The following PLEKHA5 variants were observed in gnomAD, a reference collection of about 807,000 sequenced individuals.
PLEKHA5 encodes pleckstrin homology domain containing A5.
In PLEKHA5, 55 loss-of-function variants were observed where a neutral mutation model predicts 181.9. That is an observed-to-expected ratio of 0.30 (90% CI 0.24 to 0.38). The LOEUF (loss-of-function observed/expected upper bound fraction) is 0.38. PLEKHA5 is among the 10% of genes least tolerant of loss of function. The pLI, the probability that PLEKHA5 is intolerant of heterozygous loss-of-function variation, is 1.00. For synonymous variants in PLEKHA5, 535 were observed against 529.4 expected, an observed-to-expected ratio of 1.01 and a Z score of -0.15; for missense variants, 1,432 against 1,549.5, an observed-to-expected ratio of 0.92 and a Z score of 1.27.
chr12:19,354,026 C>G, intron 26 of PLEKHA5, 24 bp downstream of exon 26: 1 of 1,124,556 alleles, frequency 8.9e-7, no homozygotes, highest in Non-Finnish European at 1.3e-6. Flanking sequence ...AATTAATCTT[C>G]TAGGAAGATT....
intron 3 of PLEKHA5, among the ~76,000 whole-genome samples, chr12:19,157,196 G>A (rs1017786087): frequency 5.9e-5 from 9 of 151,836 alleles, no homozygotes; most frequent in Non-Finnish European, 1.3e-4. Context: ...CTCATGCTGA[G>A]TTTAAAATTA....
intron 9 of PLEKHA5, 34 bp downstream of exon 9, chr12:19,269,919 C>A: frequency 8.9e-7 from 1 of 1,122,754 alleles, no homozygotes; most frequent in Non-Finnish European, 1.4e-6. Flanking sequence ...TGGTGATTTC[C>A]ACTTCCATTT....
chr12:19,307,213 C>A (rs1364838252), intron 15 of PLEKHA5: 10 of 580,164 alleles, frequency 1.7e-5, no homozygotes, highest in Non-Finnish European at 2.8e-5. Flanking sequence ...TGGCTCAGGC[C>A]AGTAATCCCA....
At chr12:19,292,129 G>A (rs1405554378) in intron 15 of PLEKHA5, among the ~76,000 whole-genome samples, 2 of 152,248 alleles carry the variant, frequency 1.3e-5, no homozygotes, top group East Asian at 3.8e-4. Flanking sequence ...AAGTTGGCTG[G>A]ATGCAATGGC....
chr12:19,206,576 TG>T (rs572115252), intron 3 of PLEKHA5, among the ~76,000 whole-genome samples: 2 of 152,086 alleles, frequency 1.3e-5, no homozygotes, highest in Admixed American at 6.6e-5. Flanking sequence ...AAAAATGATG[TG>T]GGGGGTGGGA....
At chr12:19,364,607 A>C (rs767705800) in intron 29 of PLEKHA5, among the ~76,000 whole-genome samples, 75 of 152,124 alleles carry the variant, frequency 4.9e-4, no homozygotes, top group Non-Finnish European at 7.9e-4. Context: ...ATCAGCTGAA[A>C]ATCTGACAAG....
chr12:19,172,694 G>A (rs566526928), intron 3 of PLEKHA5, among the ~76,000 whole-genome samples: 2 of 152,178 alleles, frequency 1.3e-5, no homozygotes, highest in Admixed American at 6.5e-5. Context: ...GAACTCATTG[G>A]ATCTTTGCAG....
intron 26 of PLEKHA5, among the ~76,000 whole-genome samples, chr12:19,355,657 G>A (rs1043931550): frequency 2.0e-5 from 3 of 151,890 alleles, no homozygotes; most frequent in African/African-American, 7.3e-5. Context: ...GAAATGTAAT[G>A]TTTTCAATTA....
At position 19,281,690 on chromosome 12, in the gene PLEKHA5, A is replaced by G. The variant is rs187076097; in HGVS notation, c.1314-1590A>G. Among the ~76,000 whole-genome samples, 5 of 152,096 alleles carry G rather than the reference A, an allele frequency of 3.3e-5. No homozygotes were observed. In the South Asian group the frequency reaches 6.2e-4, roughly 19 times the overall value. On this transcript the variant is annotated intron_variant, in intron 11 of 31. Transcript: ENST00000429027. ...CCTAACTTTTAAAAATCTTTTTTAT[A>G]TCATGAATTTCACCTAGTATGAAGT...
Position 19,205,405 on chromosome 12 carries a change from CAAAG to C in PLEKHA5, c.228-48531_228-48528del, listed in dbSNP as rs1266079488. On this transcript the variant is annotated intron_variant, in intron 3 of 31. Coordinates refer to ENST00000429027, the MANE Select transcript of PLEKHA5 (RefSeq NM_001256470.2). ...GTCTTTAGAAACCAGAAGCCTGAGA[CAAAG>C]AAAAGAACACAGATTTTTAGCAAAA... 5 of 983,164 alleles carry C rather than the reference CAAAG, an allele frequency of 5.1e-6. No homozygotes were observed. The African/African-American group carries it at 5.2e-5, about 10-fold the overall frequency. 60.9% of individuals were successfully genotyped at this position (983,164 alleles called of 1,614,324 possible). A position where few individuals can be genotyped will look rare whatever the true frequency, so the allele number is the denominator to read the frequency against.
intron 3 of PLEKHA5, among the ~76,000 whole-genome samples, chr12:19,195,663 A>T (rs2052510544): frequency 9.2e-6 from 1 of 108,686 alleles, no homozygotes; most frequent in Non-Finnish European, 1.9e-5. Flanking sequence ...AGAGAGAGAG[A>T]CCCTGTCTCA....
At chr12:19,162,240 T>C (rs1381030081) in intron 3 of PLEKHA5, among the ~76,000 whole-genome samples, 1 of 152,176 alleles carries the variant, frequency 6.6e-6, no homozygotes, top group African/African-American at 2.4e-5. Context: ...ATTATTTATT[T>C]CAGTGGATAG....
intron 3 of PLEKHA5, among the ~76,000 whole-genome samples, chr12:19,219,983 A>G (rs1162667619): frequency 6.6e-6 from 1 of 152,206 alleles, no homozygotes; most frequent in Non-Finnish European, 1.5e-5. Context: ...AATTGTAGAT[A>G]GATGTGTGGT....
At chr12:19,315,652 A>G (rs1188880716) in intron 16 of PLEKHA5, among the ~76,000 whole-genome samples, 1 of 152,106 alleles carries the variant, frequency 6.6e-6, no homozygotes, top group Non-Finnish European at 1.5e-5. Flanking sequence ...AACACCCTCA[A>G]ATTACTCTGG....
rs139349030 is a variant in PLEKHA5 at position 19,273,813 on chromosome 12, T to A, written c.846-703T>A. Among the ~76,000 whole-genome samples the A allele has an allele frequency of 7.9e-5, 12 of 152,304 alleles. No homozygotes were observed. In the East Asian group the frequency reaches 2.3e-3, roughly 29 times the overall value. The stretch of plus-strand genomic sequence containing the variant: ...GGAATTATAATGGTAAAATAAGGTC[T>A]GTGCCAGCCACTCATTAACTCATCT... On this transcript the variant is annotated intron_variant, in intron 10 of 31. Transcript: ENST00000429027.
At chr12:19,214,458 TCAA>T (rs1338162056) in intron 3 of PLEKHA5, among the ~76,000 whole-genome samples, 1 of 152,058 alleles carries the variant, frequency 6.6e-6, no homozygotes, top group Non-Finnish European at 1.5e-5. Flanking sequence ...AAAGAGAAAT[TCAA>T]CAACATCAAA....
intron 26 of PLEKHA5, among the ~76,000 whole-genome samples, chr12:19,354,874 T>C (rs940969206): frequency 6.6e-6 from 1 of 152,216 alleles, no homozygotes; most frequent in Admixed American, 6.5e-5. Context: ...CATGGGGTCA[T>C]AGTCGTAGTC....
At chr12:19,290,650 T>G (rs771538742) in intron 13 of PLEKHA5, 27 bp from the exon 14 acceptor site, 1 of 1,517,400 alleles carries the variant, frequency 6.6e-7, no homozygotes, top group South Asian at 1.2e-5. Flanking sequence ...TTTCCACTGT[T>G]TGGATTCTTA....
At chr12:19,195,802 T>G (rs1236828637) in intron 3 of PLEKHA5, among the ~76,000 whole-genome samples, 1 of 151,854 alleles carries the variant, frequency 6.6e-6, no homozygotes, top group Non-Finnish European at 1.5e-5. Flanking sequence ...ACAAAAATAA[T>G]GTATGTATAT....
Sources: allele counts gnomAD v4.1 joint callset (sites outside exome capture counted in the v4.1 genomes callset), GRCh38; gene constraint gnomAD v4.1.1; transcripts MANE v1.5; gene names NCBI Gene and HGNC (gene_info 2026-07-23, HGNC 2026-07-21).